TASP1: variants seen among roughly 807,000 people sequenced by gnomAD.
The protein encoded by TASP1 is threonine aspartase 1.
In TASP1, 16 loss-of-function variants were observed where a neutral mutation model predicts 56.6. The observed-to-expected ratio is 0.28, with a 90% CI of 0.19 to 0.43. TASP1 has a LOEUF of 0.43. Ranked by LOEUF, TASP1 falls within the 20% of genes least tolerant of loss-of-function variation. The probability of loss-of-function intolerance (pLI) is 1.00; values close to 1 mark genes in which losing one functional copy is unlikely to be tolerated. For synonymous variants in TASP1, 179 were observed against 184.2 expected, an observed-to-expected ratio of 0.97 and a Z score of 0.23; for missense variants, 393 against 511.6, an observed-to-expected ratio of 0.77 and a Z score of 2.24.
the TASP1 span, among the ~76,000 whole-genome samples, chr20:13,329,914 G>A: frequency 6.6e-6 from 1 of 151,604 alleles, no homozygotes; most frequent in African/African-American, 2.4e-5. Flanking sequence ...CATCTTGTTC[G>A]TTGAGAGCTT....
the TASP1 span, chr20:13,166,057 G>A: frequency 6.6e-6 from 1 of 152,592 alleles, no homozygotes; most frequent in African/African-American, 2.4e-5. Flanking sequence ...AAAGCCCATG[G>A]AGAACCTTAT....
At chr20:13,243,275 C>G in the TASP1 span, among the ~76,000 whole-genome samples, 3 of 152,164 alleles carry the variant, frequency 2.0e-5, no homozygotes, top group Non-Finnish European at 4.4e-5. Flanking sequence ...TCCATGCAGT[C>G]ATTCAGGGAC....
intron 4 of TASP1, among the ~76,000 whole-genome samples, chr20:13,590,582 T>G (rs988463511): frequency 2.1e-4 from 32 of 151,902 alleles, no homozygotes; most frequent in African/African-American, 7.0e-4. Context: ...CTGTAAAAAT[T>G]TTTGACCAGG....
In TASP1 at chr20:13,493,155, C is replaced by CA. The variant is rs200947508; in HGVS notation, c.875-9819dup. Among the ~76,000 whole-genome samples, 94 of 151,966 alleles carry CA rather than the reference C, an allele frequency of 6.2e-4. No homozygotes were observed. The East Asian group carries it at 0.018, about 28-fold the overall frequency. On this transcript the variant is annotated intron_variant, in intron 10 of 13. Transcript: ENST00000337743. ...AAACCTTTTTGAAAAAAACTAAAAC[C>CA]AAAAAAACAAACAAACAAAAAAACC...
At chr20:13,589,195 C>A (rs1368754272) in intron 4 of TASP1, among the ~76,000 whole-genome samples, 2 of 151,386 alleles carry the variant, frequency 1.3e-5, no homozygotes, top group East Asian at 3.9e-4. Flanking sequence ...GTAGGTGGGA[C>A]TACAGCCACC....
chr20:13,547,215 A>G lies in TASP1; in HGVS notation c.675+11793T>C, dbSNP rs537725956. 3.3e-5 allele frequency among the ~76,000 whole-genome samples: 5 copies of G among 152,356 alleles called. No homozygotes were observed. In the East Asian group the frequency reaches 9.6e-4, roughly 29 times the overall value. ...CCACATACACCAACCTCAAAATGGC[A>G]AATGTGTAAAGCAGATAATTCAATT... is the stretch of plus-strand genomic sequence containing the variant. On this transcript the variant is annotated intron_variant, in intron 8 of 13. Transcript: ENST00000337743.
At chr20:13,550,625 A>C (rs1302624415) in intron 8 of TASP1, among the ~76,000 whole-genome samples, 1 of 152,134 alleles carries the variant, frequency 6.6e-6, no homozygotes, top group Admixed American at 6.6e-5. Context: ...TTCATATACT[A>C]ATCAACTTCT....
the TASP1 span, among the ~76,000 whole-genome samples, chr20:13,138,548 G>A: frequency 6.6e-6 from 1 of 152,174 alleles, no homozygotes; most frequent in Non-Finnish European, 1.5e-5. Flanking sequence ...CATCAAATAC[G>A]TGAGTGAATG....
At chr20:13,115,685 C>G in the TASP1 span, among the ~76,000 whole-genome samples, 1 of 152,192 alleles carries the variant, frequency 6.6e-6, no homozygotes, top group African/African-American at 2.4e-5. Flanking sequence ...AGAACATTGT[C>G]AAGGGCTCCC....
At chr20:13,392,586 T>C in intron 13 of TASP1, 1 of 351,608 alleles carries the variant, frequency 2.8e-6, no homozygotes, top group Non-Finnish European at 5.5e-6. Flanking sequence ...TCTAGGGCTA[T>C]GTTTATGTAA....
At chr20:13,364,691 T>C in the TASP1 span, among the ~76,000 whole-genome samples, 1 of 151,926 alleles carries the variant, frequency 6.6e-6, no homozygotes, top group African/African-American at 2.4e-5. Context: ...ACTTGGTCAA[T>C]AGACACCTGT....
chr20:13,458,853 A>G (rs2043946980), intron 11 of TASP1, among the ~76,000 whole-genome samples: 1 of 152,148 alleles, frequency 6.6e-6, no homozygotes, highest in Non-Finnish European at 1.5e-5. Flanking sequence ...ATGTGGGTTC[A>G]GAGCACTCTG....
chr20:13,110,422 G>A, the TASP1 span, among the ~76,000 whole-genome samples: 1 of 152,186 alleles, frequency 6.6e-6, no homozygotes, highest in African/African-American at 2.4e-5. Context: ...ACAGCAGCTT[G>A]GAGGCTGGCC....
intron 11 of TASP1, among the ~76,000 whole-genome samples, chr20:13,477,020 T>C (rs187230002): frequency 1.1e-3 from 169 of 152,302 alleles, no homozygotes; most frequent in Middle Eastern, 3.4e-3. Flanking sequence ...AAGAGAACAT[T>C]ATATTTTTTA....
At chr20:13,558,326 A>T (rs941102393) in intron 8 of TASP1, among the ~76,000 whole-genome samples, 2 of 152,160 alleles carry the variant, frequency 1.3e-5, no homozygotes. Context: ...ATTTCTTTCT[A>T]TCCCTAAAAA....
the TASP1 span, chr20:13,222,006 C>T: frequency 4.3e-6 from 5 of 1,168,454 alleles, no homozygotes; most frequent in Admixed American, 8.6e-5. Flanking sequence ...TGCAGGGAGG[C>T]AGGTCCCCTG....
intron 12 of TASP1, among the ~76,000 whole-genome samples, chr20:13,431,020 C>T (rs941561454): frequency 3.3e-5 from 5 of 151,950 alleles, no homozygotes; most frequent in Non-Finnish European, 4.4e-5. Context: ...ACATTATTTA[C>T]AATTTTGAGA....
At chr20:13,210,389 A>T in the TASP1 span, among the ~76,000 whole-genome samples, 3 of 152,186 alleles carry the variant, frequency 2.0e-5, no homozygotes, top group African/African-American at 7.2e-5. Flanking sequence ...TAATGAAGGA[A>T]ATTTTGTATA....
the TASP1 span, among the ~76,000 whole-genome samples, chr20:13,108,995 T>C: frequency 6.6e-6 from 1 of 152,156 alleles, no homozygotes; most frequent in African/African-American, 2.4e-5. Flanking sequence ...ATGCAAAAAA[T>C]ACACAGTACA....
Sources: allele counts gnomAD v4.1 joint callset (sites outside exome capture counted in the v4.1 genomes callset), GRCh38; gene constraint gnomAD v4.1.1; transcripts MANE v1.5; gene names NCBI Gene and HGNC (gene_info 2026-07-23, HGNC 2026-07-21).